CFAP91: variants seen among roughly 807,000 people sequenced by gnomAD.
CFAP91 encodes cilia- and flagella-associated protein 91.
In CFAP91, 85 loss-of-function variants were observed where a neutral mutation model predicts 95.9. The observed-to-expected ratio is 0.89, with a 90% CI of 0.74 to 1.06. The LOEUF (loss-of-function observed/expected upper bound fraction) is 1.06. Among genes scored for constraint, CFAP91 ranks in the 50% least tolerant of loss-of-function variants. The pLI is 0.00. For missense variants in CFAP91, 962 were observed against 943.4 expected, an observed-to-expected ratio of 1.02 and a Z score of -0.26; for synonymous variants, 335 against 327.5, an observed-to-expected ratio of 1.02 and a Z score of -0.25.
chr3:119,762,675 G>A (rs2054558650), intron 17 of CFAP91, among the ~76,000 whole-genome samples: 1 of 151,942 alleles, frequency 6.6e-6, no homozygotes, highest in African/African-American at 2.4e-5. Context: ...ACAGATTTGT[G>A]GTCAATTGAT....
intron 5 of CFAP91, among the ~76,000 whole-genome samples, chr3:119,714,729 T>C (rs934156993): frequency 1.3e-5 from 2 of 152,238 alleles, no homozygotes; most frequent in African/African-American, 4.8e-5. Flanking sequence ...AAACTTTTTA[T>C]CATATATGTT....
chr3:119,753,735 T>A (rs2054370363), intron 17 of CFAP91, among the ~76,000 whole-genome samples: 1 of 151,954 alleles, frequency 6.6e-6, no homozygotes, highest in Non-Finnish European at 1.5e-5. Flanking sequence ...TAGTGGTGAT[T>A]TGTGAGATTT....
At chr3:119,739,894 A>G (rs2054084039) in intron 12 of CFAP91, among the ~76,000 whole-genome samples, 2 of 152,102 alleles carry the variant, frequency 1.3e-5, no homozygotes, top group South Asian at 4.1e-4. Context: ...AGATTTAGTT[A>G]TCTGCCAGCA....
chr3:119,751,160 C>T lies in CFAP91; in HGVS notation c.*1+62C>T. On this transcript the variant is annotated intron_variant, in intron 17 of 17. Transcript: ENST00000273390. ...AAGGAAGAAAAGCGGCATTGTTCAG[C>T]TTTGTGCTGTGCTCAAACAATCATA... 3.3e-6 allele frequency: 5 copies of T among 1,516,754 alleles called. No homozygotes were observed. In the South Asian group the frequency reaches 6.7e-5, roughly 20 times the overall value. 94.0% of individuals were successfully genotyped at this position (1,516,754 alleles called of 1,614,324 possible).
intron 17 of CFAP91, among the ~76,000 whole-genome samples, chr3:119,754,536 T>C (rs549030010): frequency 6.3e-4 from 96 of 152,340 alleles, no homozygotes; most frequent in Non-Finnish European, 1.1e-3. Context: ...AGCAGAAACA[T>C]TGCAGGATGA....
At position 119,715,594 on chromosome 3, in the gene CFAP91, C is replaced by T. The variant is rs145890924; in HGVS notation, c.533C>T (p.Thr178Ile). ...AEPYTFPPTS[T>I]KHLSIPSKST... ...CCATACACTTTTCCTCCTACTTCTA[C>T]TAAGCACCTATCCATCCCTTCAAAG... The change falls in exon 6 of 18, where the codon ACT (threonine) becomes ATT (isoleucine). Residue 178 changes from threonine (T) to isoleucine (I), a missense_variant. Physicochemically the swap from Thr to Ile is moderately conservative, Grantham distance 89 (BLOSUM62 -1). Transcript: ENST00000273390. 1.9e-5 allele frequency: 31 copies of T among 1,614,004 alleles called. No homozygotes were observed. Among genetic ancestry groups the T allele is most frequent in the Non-Finnish European group, 2.6e-5 (31 of 1,179,982 alleles).
chr3:119,746,693 A>G (rs540010049), intron 14 of CFAP91, among the ~76,000 whole-genome samples: 1 of 152,320 alleles, frequency 6.6e-6, no homozygotes, highest in South Asian at 2.1e-4. Flanking sequence ...CCTAGCTAAA[A>G]TCCAGGGGTT....
At chr3:119,758,571 C>G (rs1430564745) in intron 17 of CFAP91, among the ~76,000 whole-genome samples, 1 of 152,078 alleles carries the variant, frequency 6.6e-6, no homozygotes, top group Non-Finnish European at 1.5e-5. Context: ...ATCTTACCTT[C>G]AAGTGGAAGT....
At chr3:119,734,154 T>G (rs2053955859) in intron 10 of CFAP91, among the ~76,000 whole-genome samples, 2 of 152,274 alleles carry the variant, frequency 1.3e-5, no homozygotes, top group South Asian at 4.1e-4. Flanking sequence ...AGCATTTGCC[T>G]TTTTTATAAG....
At chr3:119,745,231 C>T (rs2054198866) in intron 14 of CFAP91, among the ~76,000 whole-genome samples, 1 of 152,138 alleles carries the variant, frequency 6.6e-6, no homozygotes, top group Non-Finnish European at 1.5e-5. Context: ...GACTATTTTC[C>T]ATCCTACTTC....
chr3:119,708,220 G>A (rs1223522289), intron 3 of CFAP91, among the ~76,000 whole-genome samples: 1 of 145,504 alleles, frequency 6.9e-6, no homozygotes, highest in Admixed American at 7.1e-5. Flanking sequence ...GGTGGAGATT[G>A]CACCACTGCA....
At chr3:119,750,825 T>A (rs762054326) in intron 16 of CFAP91, 112 bp from the exon 17 acceptor site, 6 of 1,160,196 alleles carry the variant, frequency 5.2e-6, no homozygotes, top group African/African-American at 1.5e-5. Flanking sequence ...AGATTTGGGT[T>A]GGGTTTTACC....
rs369826827 is a variant in CFAP91, at chr3:119,747,857, A to G, written c.2098A>G (p.Ser700Gly). The change falls in exon 16 of 18, where the codon AGT (serine) becomes GGT (glycine). Residue 700 changes from serine to glycine, a missense_variant. By Grantham distance (56) the Ser-to-Gly change is moderately conservative. Coordinates refer to ENST00000273390, the MANE Select transcript of CFAP91 (RefSeq NM_033364.4). ...SEEIVAELVY[S>G]FLIPEVQKYF... ...GGAGATTGTTGCTGAGTTGGTTTAT[A>G]GTTTTCTGATCCCAGAGGTGCAAAA... is the stretch of plus-strand genomic sequence containing the variant. 2.8e-5 allele frequency: 45 copies of G among 1,613,616 alleles called. No homozygotes were observed. Among genetic ancestry groups the G allele is most frequent in the Non-Finnish European group, 3.8e-5 (45 of 1,179,818 alleles).
chr3:119,734,504 G>T (rs1198767124), intron 10 of CFAP91, among the ~76,000 whole-genome samples: 1 of 151,840 alleles, frequency 6.6e-6, no homozygotes, highest in African/African-American at 2.4e-5. Context: ...TTAATCATGT[G>T]TTTATGTTGA....
chr3:119,747,364 A>G (rs2054242104), intron 15 of CFAP91, 101 bp downstream of exon 15: 4 of 1,325,154 alleles, frequency 3.0e-6, no homozygotes, highest in Non-Finnish European at 4.1e-6. Flanking sequence ...GTAGAAACAA[A>G]TAACTCATAC....
Position 119,732,476 on chromosome 3 carries a change from G to C in CFAP91, c.1201G>C (p.Gly401Arg), listed in dbSNP as rs1453019152. 1 of 1,563,412 alleles carries C rather than the reference G, an allele frequency of 6.4e-7. No homozygotes were observed. The highest frequency in any genetic ancestry group is 1.4e-5 in the African/African-American group (1 of 72,514). Residue 401 changes from glycine (G) to arginine (R), a missense_variant and splice_region_variant, in exon 9 of 18, where the codon GGA (glycine) becomes CGA (arginine). Gly to Arg is a moderately radical substitution (Grantham distance 125, BLOSUM62 -2). Transcript: ENST00000273390. ...AAACTACTATCTCAACACCTATGAA[G>C]GTAAGCAATTTACATAATTAGAAAT... ...VKNYYLNTYE[G>R]LVELESCLPD...
chr3:119,746,638 C>T (rs1466589421), intron 14 of CFAP91, among the ~76,000 whole-genome samples: 2 of 152,192 alleles, frequency 1.3e-5, no homozygotes, highest in African/African-American at 4.8e-5. Flanking sequence ...AATCCAGCTC[C>T]TGTGGGTGCT....
intron 17 of CFAP91, among the ~76,000 whole-genome samples, chr3:119,754,540 A>G (rs548487554): frequency 7.5e-4 from 114 of 152,366 alleles, no homozygotes; most frequent in South Asian, 7.5e-3. Context: ...GAAACATTGC[A>G]GGATGAAGTT....
At chr3:119,736,098 A>G (rs1375520037) in intron 10 of CFAP91, among the ~76,000 whole-genome samples, 1 of 151,900 alleles carries the variant, frequency 6.6e-6, no homozygotes, top group Non-Finnish European at 1.5e-5. Context: ...CTTTAAAAAT[A>G]TATAATTCAG....
Sources: allele counts gnomAD v4.1 joint callset (sites outside exome capture counted in the v4.1 genomes callset), GRCh38; gene constraint gnomAD v4.1.1; transcripts MANE v1.5; gene names NCBI Gene and HGNC (gene_info 2026-07-23, HGNC 2026-07-21).